NRDC: variants seen among roughly 807,000 people sequenced by gnomAD.
The protein encoded by NRDC is nardilysin convertase, also known as nardilysin.
A neutral mutation model predicts 147.1 loss-of-function variants in NRDC; 54 were observed. The ratio of observed to expected loss-of-function variants is 0.37; its 90% CI spans 0.29 to 0.46. The LOEUF is 0.46. Ranked by LOEUF, NRDC falls within the 20% of genes least tolerant of loss-of-function variation. The pLI is 1.00. For missense variants in NRDC, 1,082 were observed against 1,370.6 expected, an observed-to-expected ratio of 0.79 and a Z score of 3.33; for synonymous variants, 440 against 482.1, an observed-to-expected ratio of 0.91 and a Z score of 1.14.
chr1:51,845,089 C>T (rs1049283368), intron 1 of NRDC, among the ~76,000 whole-genome samples: 1 of 152,142 alleles, frequency 6.6e-6, no homozygotes, highest in Admixed American at 6.5e-5. Flanking sequence ...AACATAATCT[C>T]GTTCTCATTT....
chr1:51,869,183 C>T (rs1239091363), intron 1 of NRDC, among the ~76,000 whole-genome samples: 1 of 152,072 alleles, frequency 6.6e-6, no homozygotes, highest in Non-Finnish European at 1.5e-5. Flanking sequence ...CTCATGATCT[C>T]CAGCGATCCT....
At chr1:51,816,629 T>G (rs1202777643) in intron 10 of NRDC, among the ~76,000 whole-genome samples, 1 of 152,214 alleles carries the variant, frequency 6.6e-6, no homozygotes, top group Non-Finnish European at 1.5e-5. Context: ...TTAAGGGCAC[T>G]ACTTTTTCTC....
chr1:51,797,757 TTC>T (rs1330637552), intron 22 of NRDC, among the ~76,000 whole-genome samples: 2 of 152,238 alleles, frequency 1.3e-5, no homozygotes, highest in South Asian at 4.1e-4. Flanking sequence ...CAATCTATTT[TTC>T]TCTCTCTCTT....
At chr1:51,863,419 GC>G (rs1266855474) in intron 1 of NRDC, among the ~76,000 whole-genome samples, 1 of 151,928 alleles carries the variant, frequency 6.6e-6, no homozygotes, top group Non-Finnish European at 1.5e-5. Context: ...AAAAAAATTA[GC>G]TTTTGGTGCA....
At position 51,864,166 on chromosome 1, in the gene NRDC, C is replaced by T. The variant is rs143734795; in HGVS notation, c.341+14109G>A. On this transcript the variant is annotated intron_variant, in intron 1 of 30. Transcript: ENST00000352171. ...TTTGCACCATGGAAAGTGGAAAAACCCTAAGTTGAACCAACATAAATTAGG... is the reference window on the plus strand; with the variant it reads ...TTTGCACCATGGAAAGTGGAAAAACTCTAAGTTGAACCAACATAAATTAGG... 4.9e-3 allele frequency among the ~76,000 whole-genome samples: 745 copies of T among 152,142 alleles called. 2 individuals carry two copies. Among genetic ancestry groups the T allele is most frequent in the African/African-American group, 0.017 (713 of 41,510 alleles).
intron 8 of NRDC, among the ~76,000 whole-genome samples, chr1:51,820,521 T>C (rs1680167049): frequency 6.6e-6 from 1 of 152,142 alleles, no homozygotes; most frequent in Non-Finnish European, 1.5e-5. Context: ...ACACCTCTGA[T>C]TTTATTAAAG....
intron 1 of NRDC, among the ~76,000 whole-genome samples, chr1:51,870,800 T>C (rs956558145): frequency 6.7e-6 from 1 of 149,332 alleles, no homozygotes; most frequent in African/African-American, 2.4e-5. Flanking sequence ...TAGTAATTAA[T>C]AATTACTAAT....
intron 1 of NRDC, among the ~76,000 whole-genome samples, chr1:51,873,479 TTTTATTTATTTA>T (rs57413276): frequency 0.04 from 5,699 of 141,846 alleles, 135 homozygotes; most frequent in South Asian, 0.1. Flanking sequence ...TATATGGAAT[TTTTATTTATTTA>T]TTTATTTATT....
At chr1:51,831,554 T>C (rs1680709077) in intron 4 of NRDC, among the ~76,000 whole-genome samples, 2 of 152,142 alleles carry the variant, frequency 1.3e-5, no homozygotes. Context: ...TCAGGCATCA[T>C]TTGCATTGCC....
At chr1:51,807,979 A>AT (rs1451697459) in intron 17 of NRDC, among the ~76,000 whole-genome samples, 1 of 150,828 alleles carries the variant, frequency 6.6e-6, no homozygotes, top group South Asian at 2.1e-4. Context: ...CTAATTTTGT[A>AT]TTTTTTTGGA....
At chr1:51,809,860 G>A (rs1482745956) in intron 16 of NRDC, among the ~76,000 whole-genome samples, 2 of 151,098 alleles carry the variant, frequency 1.3e-5, no homozygotes, top group African/African-American at 4.9e-5. Flanking sequence ...AGCCAAGATC[G>A]CACCACTGCA....
intron 22 of NRDC, among the ~76,000 whole-genome samples, chr1:51,796,626 C>T (rs1322477289): frequency 1.3e-5 from 2 of 149,928 alleles, no homozygotes; most frequent in African/African-American, 4.9e-5. Flanking sequence ...CTCACTCTGT[C>T]GCCCAGGCTG....
intron 1 of NRDC, among the ~76,000 whole-genome samples, chr1:51,844,612 G>A (rs951912951): frequency 2.6e-5 from 4 of 151,600 alleles, no homozygotes; most frequent in East Asian, 1.9e-4. Flanking sequence ...GCATGGCGGC[G>A]CGTGCCTGTA....
chr1:51,861,478 T>C (rs1050993200), intron 1 of NRDC, among the ~76,000 whole-genome samples: 8 of 151,618 alleles, frequency 5.3e-5, no homozygotes, highest in African/African-American at 4.8e-5. Context: ...TACAGGTGCA[T>C]GCCATGAGGC....
intron 1 of NRDC, among the ~76,000 whole-genome samples, chr1:51,846,085 CTAGAGA>C (rs1236720384): frequency 6.6e-6 from 1 of 151,726 alleles, no homozygotes; most frequent in Non-Finnish European, 1.5e-5. Context: ...AGGAGAAAAA[CTAGAGA>C]TACAAAGATA....
chr1:51,800,482 C>G, intron 21 of NRDC, 74 bp downstream of exon 21: 1 of 1,533,656 alleles, frequency 6.5e-7, no homozygotes, highest in Non-Finnish European at 8.9e-7. Context: ...ATAGCCTTAA[C>G]CCCCACACCC....
intron 17 of NRDC, among the ~76,000 whole-genome samples, chr1:51,807,483 G>A (rs977251523): frequency 6.6e-6 from 1 of 152,174 alleles, no homozygotes; most frequent in African/African-American, 2.4e-5. Flanking sequence ...GAAGCAGGAG[G>A]ATCACTTGAA....
At chr1:51,865,372 A>G (rs1189585150) in intron 1 of NRDC, among the ~76,000 whole-genome samples, 2 of 151,402 alleles carry the variant, frequency 1.3e-5, no homozygotes, top group Non-Finnish European at 2.9e-5. Context: ...TGGCGTGATC[A>G]TGGCTCATGC....
intron 10 of NRDC, 61 bp from the exon 11 acceptor site, chr1:51,816,450 C>A (rs777444082): frequency 8.5e-5 from 73 of 859,196 alleles, no homozygotes; most frequent in Non-Finnish European, 1.2e-4. Flanking sequence ...ACCAGAAAAT[C>A]TTACCTCTAA....
Sources: allele counts gnomAD v4.1 joint callset (sites outside exome capture counted in the v4.1 genomes callset), GRCh38; gene constraint gnomAD v4.1.1; transcripts MANE v1.5; gene names NCBI Gene and HGNC (gene_info 2026-07-23, HGNC 2026-07-21).